MTF2: variants seen among roughly 807,000 people sequenced by gnomAD.
MTF2 encodes the protein metal response element binding transcription factor 2, also known as metal-response element-binding transcription factor 2.
A neutral mutation model predicts 79.5 loss-of-function variants in MTF2; 11 were observed. The observed-to-expected ratio is 0.14, with a 90% CI of 0.09 to 0.23. MTF2 has a LOEUF of 0.23. MTF2 is among the 10% of genes least tolerant of loss of function. The pLI, the probability that MTF2 is intolerant of heterozygous loss-of-function variation, is 1.00. For synonymous variants in MTF2, 208 were observed against 232.8 expected (o/e 0.89, Z 0.97); for missense variants, 486 against 711.2 (o/e 0.68, Z 3.60).
At chr1:93,135,340 C>A (rs1235335459) in intron 14 of MTF2, among the ~76,000 whole-genome samples, 1 of 152,178 alleles carries the variant, frequency 6.6e-6, no homozygotes, top group African/African-American at 2.4e-5. Flanking sequence ...GTCAGAGCTA[C>A]TATTTTCAAG....
chr1:93,098,093 T>A (rs918620836), intron 1 of MTF2, among the ~76,000 whole-genome samples: 1 of 152,222 alleles, frequency 6.6e-6, no homozygotes, highest in African/African-American at 2.4e-5. Flanking sequence ...TAGTGTTATT[T>A]ATGCCACTTT....
intron 1 of MTF2, among the ~76,000 whole-genome samples, chr1:93,109,225 A>G (rs1201139027): frequency 6.6e-6 from 1 of 152,192 alleles, no homozygotes; most frequent in Admixed American, 6.5e-5. Flanking sequence ...TGATGGTGGT[A>G]TGCTTTGCTG....
intron 1 of MTF2, among the ~76,000 whole-genome samples, chr1:93,101,318 A>G (rs866317290): frequency 8.0e-5 from 12 of 150,002 alleles, no homozygotes; most frequent in East Asian, 2.0e-4. Flanking sequence ...CTCTCTCCCA[A>G]TCTTTTTATT....
intron 9 of MTF2, 94 bp from the exon 10 acceptor site, chr1:93,127,138 C>T: frequency 1.2e-6 from 1 of 835,744 alleles, no homozygotes; most frequent in Non-Finnish European, 2.0e-6. Flanking sequence ...AATCAGTACA[C>T]TTTTCCTCTG....
intron 3 of MTF2, among the ~76,000 whole-genome samples, chr1:93,111,886 A>C (rs1656042479): frequency 6.6e-6 from 1 of 151,616 alleles, no homozygotes; most frequent in South Asian, 2.1e-4. Context: ...GCTGCTTTTT[A>C]CTCCCCTTCC....
chr1:93,114,682 T>A lies in MTF2; in HGVS notation c.287-6T>A. 6.3e-7 allele frequency: 1 copy of A among 1,583,718 alleles called. No individual in the cohort carries two copies. Among genetic ancestry groups the A allele is most frequent in the Non-Finnish European group, 8.6e-7 (1 of 1,169,410 alleles). On this transcript the variant is annotated splice_polypyrimidine_tract_variant and splice_region_variant and intron_variant, in intron 3 of 14. Coordinates refer to ENST00000370298, the MANE Select transcript of MTF2 (RefSeq NM_007358.4). ...TCTCTTTTTTAATGTGTTTTAAATATTTTAGGAGCCACTGGAAGTGGGGAA... is the reference window on the plus strand; with the variant it reads ...TCTCTTTTTTAATGTGTTTTAAATAATTTAGGAGCCACTGGAAGTGGGGAA...
At chr1:93,092,730 GA>G (rs1232594292) in intron 1 of MTF2, among the ~76,000 whole-genome samples, 3 of 152,068 alleles carry the variant, frequency 2.0e-5, no homozygotes, top group African/African-American at 7.2e-5. Context: ...CATGTTAGAT[GA>G]GAAAGAAATT....
intron 1 of MTF2, 59 bp from the exon 2 acceptor site, chr1:93,110,171 C>A: frequency 6.9e-7 from 1 of 1,448,664 alleles, no homozygotes. Context: ...AAATATCCCA[C>A]TGGTATAAAA....
chr1:93,122,167 C>T (rs967349097), intron 9 of MTF2, among the ~76,000 whole-genome samples: 3 of 152,026 alleles, frequency 2.0e-5, no homozygotes, highest in Non-Finnish European at 4.4e-5. Context: ...TTAGAAGTGG[C>T]TATAGTGGTT....
At chr1:93,090,689 A>C (rs956356203) in intron 1 of MTF2, among the ~76,000 whole-genome samples, 134 of 127,598 alleles carry the variant, frequency 1.1e-3, no homozygotes, top group African/African-American at 3.7e-3. Flanking sequence ...TTTGAGACGG[A>C]GTCTAACTGT....
Position 93,137,032 on chromosome 1 carries a change from A to AG in MTF2, c.*7dup. 6.2e-7 allele frequency: 1 copy of AG among 1,609,154 alleles called. No homozygotes were observed. The highest frequency in any genetic ancestry group is 8.5e-7 in the Non-Finnish European group (1 of 1,176,012). On this transcript the variant is annotated 3_prime_UTR_variant, in exon 15 of 15. Transcript: ENST00000370298. ...GAAGGAGCAACTGCATCCTGACTGT[A>AG]GGACTGAACATTATGTTCACTGCAC... is the stretch of plus-strand genomic sequence containing the variant.
intron 3 of MTF2, 81 bp from the exon 4 acceptor site, chr1:93,114,607 C>A: frequency 1.0e-6 from 1 of 952,792 alleles, no homozygotes; most frequent in Non-Finnish European, 1.6e-6. Context: ...CGCATATGTG[C>A]TGCTCACTGA....
chr1:93,079,680 T>A, intron 1 of MTF2, 149 bp downstream of exon 1: 1 of 1,016,066 alleles, frequency 9.8e-7, no homozygotes, highest in Non-Finnish European at 1.5e-6. Flanking sequence ...CATTTATGTG[T>A]ATATTGAAAA....
At chr1:93,123,900 C>A (rs547075592) in intron 9 of MTF2, among the ~76,000 whole-genome samples, 57 of 151,506 alleles carry the variant, frequency 3.8e-4, no homozygotes, top group Non-Finnish European at 7.8e-4. Context: ...CATCCCTCCA[C>A]CATAATGGTA....
intron 14 of MTF2, 62 bp from the exon 15 acceptor site, chr1:93,136,608 T>C: frequency 1.5e-6 from 2 of 1,306,018 alleles, no homozygotes; most frequent in South Asian, 2.8e-5. Flanking sequence ...AGAGAACATA[T>C]TGTATGGGCA....
intron 9 of MTF2, chr1:93,121,525 A>G (rs1352696746): frequency 1.0e-6 from 1 of 984,808 alleles, no homozygotes. Flanking sequence ...TAGCTTTGAG[A>G]CACGAAGGAC....
chr1:93,103,458 T>G (rs944182913), intron 1 of MTF2, among the ~76,000 whole-genome samples: 1 of 151,504 alleles, frequency 6.6e-6, no homozygotes, highest in African/African-American at 2.4e-5. Context: ...AATTACATTG[T>G]TCAAGATACA....
chr1:93,089,457 A>G (rs1654981408), intron 1 of MTF2, among the ~76,000 whole-genome samples: 2 of 152,188 alleles, frequency 1.3e-5, no homozygotes, highest in South Asian at 2.1e-4. Flanking sequence ...GTGATGAGCA[A>G]AATGTTTACT....
chr1:93,121,334 T>G lies in MTF2; in HGVS notation c.921+662T>G, dbSNP rs35374948. 5.3e-3 allele frequency: 4,439 copies of G among 833,992 alleles called. 17 individuals carry two copies. The highest frequency in any genetic ancestry group is 6.1e-3 in the Non-Finnish European group (4,197 of 692,332). The allele number at this position is 833,992 out of a possible 1,614,324, so 51.7% of individuals were successfully genotyped here. ...AAAGTAACTAGAATAAGTTTAATAG[T>G]TAGGGACCTTATTTTTAGCTTTTAT... is the stretch of plus-strand genomic sequence containing the variant. On this transcript the variant is annotated intron_variant, in intron 9 of 14. Coordinates refer to ENST00000370298, the MANE Select transcript of MTF2 (RefSeq NM_007358.4).
Sources: allele counts gnomAD v4.1 joint callset (sites outside exome capture counted in the v4.1 genomes callset), GRCh38; gene constraint gnomAD v4.1.1; transcripts MANE v1.5; gene names NCBI Gene and HGNC (gene_info 2026-07-23, HGNC 2026-07-21).